THSD7B: variants seen among roughly 807,000 people sequenced by gnomAD.
The protein encoded by THSD7B is thrombospondin type 1 domain containing 7B.
Under a neutral mutation model 213.6 loss-of-function variants are expected in THSD7B, and 138 were observed. That is an observed-to-expected ratio of 0.65 (90% CI 0.56 to 0.74). The LOEUF is 0.74. THSD7B is among the 30% of genes least tolerant of loss of function. The probability of loss-of-function intolerance (pLI) is 0.00; values close to 1 mark genes in which losing one functional copy is unlikely to be tolerated. For synonymous variants in THSD7B, 742 were observed against 687.0 expected (o/e 1.08, Z -1.25); for missense variants, 1,931 against 1,991.5 (o/e 0.97, Z 0.58).
At chr2:137,067,979 G>C (rs566115866) in intron 3 of THSD7B, among the ~76,000 whole-genome samples, 1 of 152,144 alleles carries the variant, frequency 6.6e-6, no homozygotes, top group East Asian at 1.9e-4. Flanking sequence ...TGTAGACACT[G>C]AGCCTCCAGT....
chr2:137,115,916 A>T (rs1688440750), intron 5 of THSD7B, among the ~76,000 whole-genome samples: 5 of 152,188 alleles, frequency 3.3e-5, no homozygotes, highest in Admixed American at 3.3e-4. Context: ...TTGAGAAGTC[A>T]TGAGTAGACA....
At chr2:136,832,861 A>G (rs954766565) in intron 1 of THSD7B, among the ~76,000 whole-genome samples, 2 of 152,220 alleles carry the variant, frequency 1.3e-5, no homozygotes, top group East Asian at 3.9e-4. Flanking sequence ...TCTTTCTTCT[A>G]CCACTCTTGA....
chr2:137,232,365 A>G (rs1156821140), intron 8 of THSD7B, among the ~76,000 whole-genome samples: 1 of 152,186 alleles, frequency 6.6e-6, no homozygotes, highest in African/African-American at 2.4e-5. Context: ...ACAAACTTCA[A>G]CAGATATTTC....
rs564685126 is a variant in THSD7B, at chr2:137,322,971, C to T, written c.2500+46945C>T. ...CAGCTTTTGTAAAGGAAAGTCATTC[C>T]AAAGCTCTATCGACAGGACAGCTTC... On this transcript the variant is annotated intron_variant, in intron 12 of 27. Coordinates refer to ENST00000409968, the MANE Select transcript of THSD7B (RefSeq NM_001316349.2). Among the ~76,000 whole-genome samples, 6 of 152,200 alleles carry T rather than the reference C, an allele frequency of 3.9e-5. No individual in the cohort carries two copies. The East Asian group carries it at 1.2e-3, about 29-fold the overall frequency.
intron 1 of THSD7B, among the ~76,000 whole-genome samples, chr2:136,879,345 T>C (rs1683579738): frequency 6.6e-6 from 1 of 152,212 alleles, no homozygotes; most frequent in Non-Finnish European, 1.5e-5. Context: ...TGAAGTCAGG[T>C]AGCGTGATGC....
intron 5 of THSD7B, among the ~76,000 whole-genome samples, chr2:137,140,924 G>T (rs1453835567): frequency 1.3e-5 from 2 of 152,176 alleles, no homozygotes; most frequent in Non-Finnish European, 2.9e-5. Context: ...TTCAAATAGG[G>T]AAGTCAGTAA....
chr2:136,875,203 C>T (rs887296473), intron 1 of THSD7B, among the ~76,000 whole-genome samples: 1 of 152,166 alleles, frequency 6.6e-6, no homozygotes, highest in African/African-American at 2.4e-5. Context: ...AGGCTGATCA[C>T]CTGAGGCCAG....
intron 12 of THSD7B, among the ~76,000 whole-genome samples, chr2:137,365,579 G>A (rs1685388402): frequency 6.6e-6 from 1 of 152,026 alleles, no homozygotes; most frequent in African/African-American, 2.4e-5. Flanking sequence ...AAGTGGGCAA[G>A]GTATATGAAC....
chr2:137,585,027 G>A (rs1031902511), intron 17 of THSD7B, among the ~76,000 whole-genome samples: 12 of 152,048 alleles, frequency 7.9e-5, no homozygotes, highest in African/African-American at 2.9e-4. Context: ...CCTGTTATTG[G>A]TCTATTGAGG....
chr2:136,936,312 G>T (rs569769273), intron 2 of THSD7B, among the ~76,000 whole-genome samples: 97 of 152,022 alleles, frequency 6.4e-4, no homozygotes, highest in Admixed American at 3.2e-3. Context: ...CAGCAATCCC[G>T]CTACTGGGTA....
chr2:137,359,212 C>A (rs560147437), intron 12 of THSD7B, among the ~76,000 whole-genome samples: 2 of 152,140 alleles, frequency 1.3e-5, no homozygotes, highest in Non-Finnish European at 2.9e-5. Flanking sequence ...AAAATTGTAT[C>A]CAACCTTCAG....
intron 15 of THSD7B, among the ~76,000 whole-genome samples, chr2:137,550,025 C>T (rs796260738): frequency 6.6e-6 from 1 of 152,000 alleles, no homozygotes; most frequent in Non-Finnish European, 1.5e-5. Flanking sequence ...CTCCAAAATC[C>T]CATCTGATTT....
chr2:137,612,837 A>G (rs967819481), intron 17 of THSD7B, among the ~76,000 whole-genome samples: 18 of 152,270 alleles, frequency 1.2e-4, no homozygotes, highest in Admixed American at 2.0e-4. Context: ...AACTTCTTCA[A>G]AATTGATTAG....
intron 2 of THSD7B, among the ~76,000 whole-genome samples, chr2:136,947,994 T>C (rs888532319): frequency 1.3e-5 from 2 of 152,198 alleles, no homozygotes; most frequent in Non-Finnish European, 2.9e-5. Context: ...TCACGCCTGA[T>C]GAACCATCAG....
chr2:136,846,652 C>T (rs568895614), intron 1 of THSD7B, among the ~76,000 whole-genome samples: 1 of 152,116 alleles, frequency 6.6e-6, no homozygotes, highest in South Asian at 2.1e-4. Flanking sequence ...TATAATTATA[C>T]ATTGAAAATT....
At chr2:137,417,117 A>T (rs1207678538) in intron 14 of THSD7B, among the ~76,000 whole-genome samples, 1 of 152,220 alleles carries the variant, frequency 6.6e-6, no homozygotes, top group Non-Finnish European at 1.5e-5. Context: ...ATAAGTAGGT[A>T]TAGATAGAAC....
chr2:137,170,169 C>T (rs1326068547), intron 6 of THSD7B, among the ~76,000 whole-genome samples: 1 of 152,092 alleles, frequency 6.6e-6, no homozygotes, highest in Non-Finnish European at 1.5e-5. Context: ...TTTTTTTAAA[C>T]ATAATAACAA....
At chr2:137,312,295 G>A (rs990915813) in intron 12 of THSD7B, among the ~76,000 whole-genome samples, 87 of 152,246 alleles carry the variant, frequency 5.7e-4, no homozygotes, top group Non-Finnish European at 3.4e-4. Context: ...TATTTGCGTA[G>A]AGGTGTTTAT....
chr2:136,828,608 T>C (rs1362041944), intron 1 of THSD7B, among the ~76,000 whole-genome samples: 2 of 152,222 alleles, frequency 1.3e-5, no homozygotes, highest in African/African-American at 4.8e-5. Context: ...CTCTTAAGCA[T>C]CATCTTGTGC....
Sources: gnomAD v4.1 joint callset for allele counts (sites outside exome capture counted in the v4.1 genomes callset) on GRCh38, gnomAD v4.1.1 for gene constraint, MANE v1.5 for transcripts, NCBI Gene and HGNC (gene_info 2026-07-23, HGNC 2026-07-21) for gene names.